The following COL23A1 variants were observed in gnomAD, a reference collection of about 807,000 sequenced individuals.
The protein encoded by COL23A1 is collagen alpha-1(XXIII) chain.
A neutral mutation model predicts 99.3 loss-of-function variants in COL23A1; 97 were observed. That is an observed-to-expected ratio of 0.98 (90% CI 0.83 to 1.16). The LOEUF (loss-of-function observed/expected upper bound fraction) is 1.16, where lower values mean the gene tolerates loss of function less well. Among genes scored for constraint, COL23A1 ranks in the 50% most tolerant of loss-of-function variants. The pLI is 0.00. For synonymous variants in COL23A1, 320 were observed against 308.2 expected (o/e 1.04, Z -0.40); for missense variants, 762 against 757.4 (o/e 1.01, Z -0.07).
At chr5:178,412,114 T>C (rs1385925980) in intron 2 of COL23A1, among the ~76,000 whole-genome samples, 1 of 152,222 alleles carries the variant, frequency 6.6e-6, no homozygotes, top group African/African-American at 2.4e-5. Context: ...GCAGCGTAAG[T>C]ATCGATCAAT....
chr5:178,554,160 T>C (rs1762149262), intron 2 of COL23A1, among the ~76,000 whole-genome samples: 1 of 151,828 alleles, frequency 6.6e-6, no homozygotes, highest in South Asian at 2.1e-4. Context: ...CCTCTTGGTG[T>C]GTTTTATTTT....
At position 178,267,396 on chromosome 5, in the gene COL23A1, C is replaced by G. The variant is rs367989986; in HGVS notation, c.496-63G>C. ...TTCATCGTTTCTTCACATTTCCCGT[C>G]GGGCATCTGTGCCCAGTGCTTCATA... On this transcript the variant is annotated intron_variant, in intron 7 of 28. Coordinates refer to ENST00000390654, the MANE Select transcript of COL23A1 (RefSeq NM_173465.4). 6.0e-5 allele frequency: 94 copies of G among 1,555,952 alleles called. No homozygotes were observed. In the African/African-American group the frequency reaches 1.2e-3, roughly 19 times the overall value.
intron 2 of COL23A1, among the ~76,000 whole-genome samples, chr5:178,480,582 C>T (rs555924202): frequency 1.3e-5 from 2 of 152,310 alleles, no homozygotes; most frequent in Admixed American, 1.3e-4. Context: ...ATTTTTCAGC[C>T]TCCTGCTTTG....
intron 2 of COL23A1, among the ~76,000 whole-genome samples, chr5:178,501,845 G>A (rs1314667461): frequency 6.6e-6 from 1 of 152,176 alleles, no homozygotes; most frequent in African/African-American, 2.4e-5. Flanking sequence ...CACTAATCAG[G>A]GCCCTGCCTT....
chr5:178,491,616 C>T (rs113934420), intron 2 of COL23A1, among the ~76,000 whole-genome samples: 100 of 152,160 alleles, frequency 6.6e-4, no homozygotes, highest in African/African-American at 2.3e-3. Context: ...GACAGGAGCA[C>T]AAGCAGAGAG....
At chr5:178,498,603 C>T (rs1183114657) in intron 2 of COL23A1, among the ~76,000 whole-genome samples, 2 of 151,384 alleles carry the variant, frequency 1.3e-5, no homozygotes, top group East Asian at 3.9e-4. Flanking sequence ...ACTAGATAAG[C>T]CTAGAAAAAG....
At chr5:178,408,638 C>T (rs576391144) in intron 2 of COL23A1, among the ~76,000 whole-genome samples, 1 of 151,888 alleles carries the variant, frequency 6.6e-6, no homozygotes, top group East Asian at 1.9e-4. Flanking sequence ...CTTAAAAAAA[C>T]CCCAAAAAAC....
intron 2 of COL23A1, among the ~76,000 whole-genome samples, chr5:178,330,354 C>T (rs1197222399): frequency 6.6e-6 from 1 of 152,218 alleles, no homozygotes; most frequent in Non-Finnish European, 1.5e-5. Flanking sequence ...TCCCTCTGCA[C>T]ACGGGTGCAG....
chr5:178,431,537 T>C (rs982432078), intron 2 of COL23A1, among the ~76,000 whole-genome samples: 7 of 152,126 alleles, frequency 4.6e-5, no homozygotes, highest in Non-Finnish European at 8.8e-5. Flanking sequence ...TAATCACAAA[T>C]GTCAAAGTGG....
chr5:178,563,984 T>C (rs982246421), intron 1 of COL23A1, among the ~76,000 whole-genome samples: 5 of 152,234 alleles, frequency 3.3e-5, no homozygotes, highest in African/African-American at 9.6e-5. Flanking sequence ...CAGAAAGGAC[T>C]TCCACACTGA....
At chr5:178,399,928 G>C (rs2910128) in intron 2 of COL23A1, among the ~76,000 whole-genome samples, 38,357 of 152,078 alleles carry the variant, frequency 0.25, 5,060 homozygotes, top group East Asian at 0.44. Context: ...CCGCGTCCAT[G>C]CCTAGGGGCC....
At chr5:178,456,369 C>T (rs1767793646) in intron 2 of COL23A1, among the ~76,000 whole-genome samples, 1 of 152,136 alleles carries the variant, frequency 6.6e-6, no homozygotes, top group African/African-American at 2.4e-5. Flanking sequence ...TAACCGATAT[C>T]AGATGGGACT....
At chr5:178,376,609 C>T (rs1290731466) in intron 2 of COL23A1, among the ~76,000 whole-genome samples, 1 of 152,190 alleles carries the variant, frequency 6.6e-6, no homozygotes, top group Non-Finnish European at 1.5e-5. Flanking sequence ...AGCAATCCTG[C>T]AAGTTAGGCC....
At chr5:178,498,582 T>C (rs1263274220) in intron 2 of COL23A1, among the ~76,000 whole-genome samples, 2 of 151,996 alleles carry the variant, frequency 1.3e-5, no homozygotes, top group Admixed American at 6.6e-5. Context: ...AAGATCATTA[T>C]AAAGGTGAGA....
At chr5:178,348,092 T>C (rs552873138) in intron 2 of COL23A1, among the ~76,000 whole-genome samples, 3 of 151,902 alleles carry the variant, frequency 2.0e-5, no homozygotes, top group Admixed American at 6.5e-5. Context: ...TCCATGTGCC[T>C]CCTGATGGCC....
rs1194951402 is a variant in COL23A1 at position 178,313,387 on chromosome 5, A to G, written c.362-6468T>C. Among the ~76,000 whole-genome samples, 1 of 152,184 alleles carries G rather than the reference A, an allele frequency of 6.6e-6. No homozygotes were observed. The highest frequency in any genetic ancestry group is 1.9e-4 in the East Asian group (1 of 5,194). ...TATTTTATCACAATTAAAGAAAACA[A>G]AACAAACACCCCAGGGGTCTCAGCT... On this transcript the variant is annotated intron_variant, in intron 2 of 28. Coordinates refer to ENST00000390654, the MANE Select transcript of COL23A1 (RefSeq NM_173465.4). The surrounding 1 kb of genome is among the most constrained non-coding windows in gnomAD (Gnocchi z 4.2).
intron 1 of COL23A1, among the ~76,000 whole-genome samples, chr5:178,585,460 G>A (rs986088178): frequency 6.6e-6 from 1 of 151,696 alleles, no homozygotes; most frequent in Admixed American, 6.6e-5. Context: ...CACGTCCCTG[G>A]TTGATGCTGG....
At chr5:178,252,759 T>C (rs940536628) in intron 16 of COL23A1, among the ~76,000 whole-genome samples, 162 bp from the exon 17 acceptor site, 2 of 152,188 alleles carry the variant, frequency 1.3e-5, no homozygotes, top group Non-Finnish European at 2.9e-5. Context: ...GGCCACACTG[T>C]GCAAGGCTTT....
chr5:178,427,008 C>G (rs1206962140), intron 2 of COL23A1, among the ~76,000 whole-genome samples: 1 of 152,240 alleles, frequency 6.6e-6, no homozygotes, highest in African/African-American at 2.4e-5. Flanking sequence ...ACCAGCCTGG[C>G]CATTATGGTG....
Sources: allele counts gnomAD v4.1 joint callset (sites outside exome capture counted in the v4.1 genomes callset), GRCh38; gene constraint gnomAD v4.1.1; non-coding constraint Gnocchi (gnomAD v3.1); transcripts MANE v1.5; gene names NCBI Gene and HGNC (gene_info 2026-07-23, HGNC 2026-07-21).